The following RBFOX1 variants were observed in gnomAD, a reference collection of about 807,000 sequenced individuals.
The protein encoded by RBFOX1 is RNA binding fox-1 homolog 1.
In RBFOX1, 8 loss-of-function variants were observed where a neutral mutation model predicts 57.7. That is an observed-to-expected ratio of 0.14 (90% CI 0.08 to 0.25). The LOEUF (loss-of-function observed/expected upper bound fraction) is 0.25. RBFOX1 is among the 10% of genes least tolerant of loss of function. RBFOX1 has a pLI of 1.00. For missense variants in RBFOX1, 611 were observed against 548.5 expected (o/e 1.11, Z -1.14); for synonymous variants, 326 against 222.4 (o/e 1.47, Z -4.15).
chr16:7,082,571 A>C, intron 4 of RBFOX1, among the ~76,000 whole-genome samples: 1 of 152,228 alleles, frequency 6.6e-6, no homozygotes, highest in South Asian at 2.1e-4. Flanking sequence ...CAAAAAAAAA[A>C]AAATAAAAAT....
chr16:6,816,044 C>G (rs1567376375), intron 3 of RBFOX1, among the ~76,000 whole-genome samples: 1 of 152,164 alleles, frequency 6.6e-6, no homozygotes, highest in African/African-American at 2.4e-5. Flanking sequence ...GGAGCAATGG[C>G]TCATGCGTGT....
intron 4 of RBFOX1, among the ~76,000 whole-genome samples, chr16:7,511,197 A>G (rs1356693926): frequency 2.0e-5 from 3 of 152,214 alleles, no homozygotes; most frequent in African/African-American, 7.2e-5. Flanking sequence ...TCGGCCACTT[A>G]AAGATTCTTT....
intron 4 of RBFOX1, among the ~76,000 whole-genome samples, chr16:6,009,794 G>A (rs112615786): frequency 2.9e-5 from 4 of 138,418 alleles, no homozygotes; most frequent in Non-Finnish European, 6.4e-5. Flanking sequence ...ACATGGGGCA[G>A]TGTGTGTATG....
intron 3 of RBFOX1, among the ~76,000 whole-genome samples, chr16:5,623,037 A>G (rs554854322): frequency 2.0e-5 from 3 of 152,154 alleles, no homozygotes; most frequent in South Asian, 2.1e-4. Flanking sequence ...AGACTTGAAC[A>G]TTCATGGGTT....
rs115849838 is a variant in RBFOX1, at chr16:7,624,849, A to G, written c.677-5754A>G. Among the ~76,000 whole-genome samples, 545 of 152,308 alleles carry G rather than the reference A, an allele frequency of 3.6e-3. 5 individuals are homozygous for G. The highest frequency in any genetic ancestry group is 0.013 in the African/African-American group (530 of 41,574). On this transcript the variant is annotated intron_variant, in intron 10 of 15. Transcript: ENST00000550418. ...GAGGTGATACGGTTCTGATGACTGG[A>G]GAAATGCCAAGGTTGTTGGTTTTGC...
At chr16:7,166,089 C>T (rs961861562) in intron 4 of RBFOX1, among the ~76,000 whole-genome samples, 6 of 152,136 alleles carry the variant, frequency 3.9e-5, no homozygotes, top group Non-Finnish European at 7.3e-5. Flanking sequence ...TCTCAGCCCA[C>T]TGTAACTTCT....
intron 2 of RBFOX1, among the ~76,000 whole-genome samples, chr16:5,534,121 G>A (rs577868730): frequency 6.6e-6 from 1 of 152,236 alleles, no homozygotes; most frequent in South Asian, 2.1e-4. Flanking sequence ...TCAATTCACA[G>A]TCTGATTCAC....
intron 3 of RBFOX1, among the ~76,000 whole-genome samples, chr16:5,849,111 GCAGAGTCCATTGGAGCGTCGTTGGGGT>G (rs1331958040): frequency 2.0e-5 from 3 of 152,234 alleles, no homozygotes; most frequent in Non-Finnish European, 4.4e-5. Flanking sequence ...AGAAGTGGAG[GCAGAGTCCATTGGAGCGTCGTTGGGGT>G]CAGAGATAAG....
At chr16:6,940,271 T>C (rs1310921209) in intron 3 of RBFOX1, among the ~76,000 whole-genome samples, 1 of 152,162 alleles carries the variant, frequency 6.6e-6, no homozygotes, top group Non-Finnish European at 1.5e-5. Context: ...CATGAGTCCT[T>C]GTTGCTGCCC....
chr16:5,862,020 G>A (rs769506798), intron 3 of RBFOX1, among the ~76,000 whole-genome samples: 2 of 152,088 alleles, frequency 1.3e-5, no homozygotes, highest in Non-Finnish European at 2.9e-5. Flanking sequence ...TGAGAGTGAC[G>A]GCCATTCTCT....
At chr16:6,679,150 T>A (rs1254831739) in intron 3 of RBFOX1, among the ~76,000 whole-genome samples, 2 of 152,114 alleles carry the variant, frequency 1.3e-5, no homozygotes, top group Admixed American at 6.6e-5. Context: ...TGAGGAACAT[T>A]GCAGTGTTCC....
intron 1 of RBFOX1, among the ~76,000 whole-genome samples, chr16:5,381,205 A>G (rs2066121898): frequency 6.6e-6 from 1 of 152,224 alleles, no homozygotes; most frequent in African/African-American, 2.4e-5. Context: ...GTATAGAGAG[A>G]GACTCAGTAA....
chr16:6,122,469 T>C (rs2096558008), intron 1 of RBFOX1, among the ~76,000 whole-genome samples: 1 of 152,136 alleles, frequency 6.6e-6, no homozygotes, highest in Non-Finnish European at 1.5e-5. Flanking sequence ...CCTAATCCTT[T>C]TCTTTGCTAT....
At chr16:7,413,333 C>G (rs926669499) in intron 4 of RBFOX1, among the ~76,000 whole-genome samples, 1 of 151,994 alleles carries the variant, frequency 6.6e-6, no homozygotes, top group Non-Finnish European at 1.5e-5. Flanking sequence ...CCTCCCTTCC[C>G]CAGTCTTCCT....
intron 14 of RBFOX1, among the ~76,000 whole-genome samples, chr16:7,696,217 T>A (rs1463125053): frequency 6.6e-6 from 1 of 152,204 alleles, no homozygotes; most frequent in East Asian, 1.9e-4. Flanking sequence ...TGTGTTGTTT[T>A]GTTTTGGTTT....
intron 3 of RBFOX1, among the ~76,000 whole-genome samples, chr16:6,921,733 ATATG>A (rs914251837): frequency 4.0e-5 from 6 of 151,816 alleles, no homozygotes; most frequent in Non-Finnish European, 5.9e-5. Flanking sequence ...ATGTTCATAT[ATATG>A]AGCATATGTA....
chr16:5,359,304 G>C (rs2065478169), intron 1 of RBFOX1, among the ~76,000 whole-genome samples: 1 of 152,194 alleles, frequency 6.6e-6, no homozygotes, highest in Non-Finnish European at 1.5e-5. Flanking sequence ...TTGATATACT[G>C]GTCTCCTTCC....
chr16:6,485,653 C>G (rs1250939168), intron 2 of RBFOX1, among the ~76,000 whole-genome samples: 1 of 152,130 alleles, frequency 6.6e-6, no homozygotes, highest in African/African-American at 2.4e-5. Context: ...TTTATCATTT[C>G]TTTTTAACCA....
rs148814754 is a variant in RBFOX1 at position 6,853,457 on chromosome 16, C to G, written c.-15-198600C>G. On this transcript the variant is annotated intron_variant, in intron 3 of 15. Coordinates refer to ENST00000550418, the MANE Select transcript of RBFOX1 (RefSeq NM_018723.4). ...GGGCTTCCTGGTTTAAAAGGCAAAT[C>G]ATCCTGATGGAGGATGGTGCCTACA... Among the ~76,000 whole-genome samples the G allele has an allele frequency of 1.5e-3, 234 of 152,210 alleles. 2 individuals carry two copies. Among genetic ancestry groups the G allele is most frequent in the African/African-American group, 5.4e-3 (225 of 41,534 alleles).
Sources: allele counts gnomAD v4.1 joint callset (sites outside exome capture counted in the v4.1 genomes callset), GRCh38; gene constraint gnomAD v4.1.1; transcripts MANE v1.5; gene names NCBI Gene and HGNC (gene_info 2026-07-23, HGNC 2026-07-21).